The following GPC5 variants were observed in gnomAD, a reference collection of about 807,000 sequenced individuals.
The protein encoded by GPC5 is glypican 5.
A neutral mutation model predicts 53.9 loss-of-function variants in GPC5; 47 were observed. The ratio of observed to expected loss-of-function variants is 0.87; its 90% CI spans 0.69 to 1.11. The LOEUF (loss-of-function observed/expected upper bound fraction) is 1.11, where lower values mean the gene tolerates loss of function less well. Ranked by LOEUF, GPC5 falls within the 50% of genes most tolerant of loss-of-function variation. The pLI, the probability that GPC5 is intolerant of heterozygous loss-of-function variation, is 0.00. For missense variants in GPC5, 748 were observed against 713.1 expected (o/e 1.05, Z -0.56); for synonymous variants, 286 against 263.3 (o/e 1.09, Z -0.84).
intron 7 of GPC5, among the ~76,000 whole-genome samples, chr13:92,308,228 A>T (rs536131876): frequency 3.9e-5 from 6 of 152,284 alleles, no homozygotes; most frequent in African/African-American, 1.4e-4. Flanking sequence ...AAAATAATAA[A>T]ACCCAACTCA....
At chr13:92,273,620 G>A (rs2139158399) in intron 7 of GPC5, among the ~76,000 whole-genome samples, 1 of 152,058 alleles carries the variant, frequency 6.6e-6, no homozygotes, top group South Asian at 2.1e-4. Context: ...ACAGGCTTTG[G>A]TGAGATATTT....
At chr13:92,389,414 A>G (rs780357737) in intron 7 of GPC5, among the ~76,000 whole-genome samples, 10 of 152,078 alleles carry the variant, frequency 6.6e-5, no homozygotes, top group Non-Finnish European at 1.2e-4. Flanking sequence ...GGAGGCACAC[A>G]CCTTTCACAC....
At chr13:92,657,579 G>GTTTTTTTTTTTTTTTTTTTTTTTT (rs67038073) in intron 7 of GPC5, among the ~76,000 whole-genome samples, 1 of 106,730 alleles carries the variant, frequency 9.4e-6, no homozygotes, top group Non-Finnish European at 1.8e-5. Context: ...AGGTTTTTTG[G>GTTTTTTTTTTTTTTTTTTTTTTTT]TTTTTTTTTT....
At chr13:92,737,766 C>CTTTTTTTTTTTTTTTTTTTTTT (rs33914729) in intron 7 of GPC5, among the ~76,000 whole-genome samples, 6 of 102,128 alleles carry the variant, frequency 5.9e-5, no homozygotes, top group African/African-American at 1.2e-4. Flanking sequence ...TTTTCTTTTT[C>CTTTTTTTTTTTTTTTTTTTTTT]TTTTTTTTTT....
chr13:92,160,606 A>G (rs1448768922), intron 7 of GPC5, among the ~76,000 whole-genome samples: 1 of 152,154 alleles, frequency 6.6e-6, no homozygotes, highest in Non-Finnish European at 1.5e-5. Context: ...TAAGTCTTTG[A>G]TGAAATTTGG....
At chr13:92,710,175 G>A (rs1888085435) in intron 7 of GPC5, among the ~76,000 whole-genome samples, 1 of 152,098 alleles carries the variant, frequency 6.6e-6, no homozygotes, top group African/African-American at 2.4e-5. Context: ...TAGTTATATA[G>A]GGCACAGCAG....
At chr13:92,382,390 C>T (rs1388251112) in intron 7 of GPC5, among the ~76,000 whole-genome samples, 1 of 152,014 alleles carries the variant, frequency 6.6e-6, no homozygotes, top group African/African-American at 2.4e-5. Context: ...AAAGAAAAGC[C>T]TGGTTTCGCA....
intron 7 of GPC5, among the ~76,000 whole-genome samples, chr13:92,582,592 C>T (rs1883406925): frequency 6.6e-6 from 1 of 152,060 alleles, no homozygotes; most frequent in Non-Finnish European, 1.5e-5. Flanking sequence ...TTTTGGGTGG[C>T]ATAAGCTTTT....
chr13:91,707,660 G>A (rs112506569), intron 3 of GPC5, among the ~76,000 whole-genome samples: 1,800 of 152,184 alleles, frequency 0.012, 35 homozygotes, highest in African/African-American at 0.04. Context: ...GTAGCAAAGT[G>A]TTTGTGAGGC....
intron 7 of GPC5, among the ~76,000 whole-genome samples, chr13:92,745,896 G>A (rs747063665): frequency 3.0e-4 from 46 of 151,822 alleles, no homozygotes; most frequent in Non-Finnish European, 5.4e-4. Flanking sequence ...TATATTATTG[G>A]ATAACATGAT....
chr13:92,372,242 T>C (rs2043656803), intron 7 of GPC5, among the ~76,000 whole-genome samples: 1 of 152,200 alleles, frequency 6.6e-6, no homozygotes, highest in Non-Finnish European at 1.5e-5. Context: ...TTTGGTAATT[T>C]GTTACAGCAG....
At chr13:91,439,097 C>CGA (rs1217118563) in intron 1 of GPC5, among the ~76,000 whole-genome samples, 277 of 152,324 alleles carry the variant, frequency 1.8e-3, no homozygotes, top group African/African-American at 6.4e-3. Context: ...AGAGCCTTCC[C>CGA]AGGCTCTTTT....
intron 7 of GPC5, among the ~76,000 whole-genome samples, chr13:92,592,141 G>T (rs909647655): frequency 6.6e-6 from 1 of 152,192 alleles, no homozygotes; most frequent in African/African-American, 2.4e-5. Context: ...CATTGCTCCT[G>T]TCAACCCATG....
At position 91,437,993 on chromosome 13, in the gene GPC5, G is replaced by C. The variant is rs896090399; in HGVS notation, c.164-10768G>C. 2.0e-5 allele frequency among the ~76,000 whole-genome samples: 3 copies of C among 151,952 alleles called. No individual in the cohort carries two copies. The East Asian group carries it at 5.8e-4, about 29-fold the overall frequency. On this transcript the variant is annotated intron_variant, in intron 1 of 7. Transcript: ENST00000377067. ...CTTGTGCATTTGTCACGTAGTTCTCGTGCCTTGGTTTTCAGCTTCATCAGG... is the reference window on the plus strand; with the variant it reads ...CTTGTGCATTTGTCACGTAGTTCTCCTGCCTTGGTTTTCAGCTTCATCAGG...
chr13:92,660,372 C>T (rs1380304881), intron 7 of GPC5, among the ~76,000 whole-genome samples: 1 of 151,862 alleles, frequency 6.6e-6, no homozygotes. Flanking sequence ...CAGCCAGACA[C>T]ACATAGGCAC....
At chr13:92,537,632 C>A (rs1017436335) in intron 7 of GPC5, among the ~76,000 whole-genome samples, 9 of 152,066 alleles carry the variant, frequency 5.9e-5, no homozygotes, top group Admixed American at 3.3e-4. Context: ...TAGTACATTA[C>A]AGCTCTCCCA....
At chr13:91,691,374 A>C (rs746802259) in intron 2 of GPC5, among the ~76,000 whole-genome samples, 1 of 152,158 alleles carries the variant, frequency 6.6e-6, no homozygotes, top group South Asian at 2.1e-4. Context: ...TTTCCCCATG[A>C]AGCCCAGGTG....
At chr13:91,427,431 T>A (rs1381842156) in intron 1 of GPC5, among the ~76,000 whole-genome samples, 1 of 152,196 alleles carries the variant, frequency 6.6e-6, no homozygotes, top group Non-Finnish European at 1.5e-5. Context: ...TTGGAGTTTT[T>A]AAGTTTTAAT....
chr13:92,060,427 G>A (rs898569144), intron 6 of GPC5, among the ~76,000 whole-genome samples: 4 of 151,774 alleles, frequency 2.6e-5, no homozygotes, highest in Admixed American at 2.6e-4. Context: ...TTTAAAATTC[G>A]ATTTCCCATT....
Sources: allele counts gnomAD v4.1 joint callset (sites outside exome capture counted in the v4.1 genomes callset), GRCh38; gene constraint gnomAD v4.1.1; transcripts MANE v1.5; gene names NCBI Gene and HGNC (gene_info 2026-07-23, HGNC 2026-07-21).